The following LRP1B variants were observed in gnomAD, a reference collection of about 807,000 sequenced individuals.
LRP1B encodes the protein LDL receptor related protein 1B.
In LRP1B, 217 loss-of-function variants were observed where a neutral mutation model predicts 556.6. The observed-to-expected ratio is 0.39, with a 90% CI of 0.35 to 0.44. The LOEUF is 0.44. Ranked by LOEUF, LRP1B falls within the 20% of genes least tolerant of loss-of-function variation. LRP1B has a pLI of 1.00. For synonymous variants in LRP1B, 2,047 were observed against 1,865.8 expected, an observed-to-expected ratio of 1.10 and a Z score of -2.50; for missense variants, 5,053 against 5,620.8, an observed-to-expected ratio of 0.90 and a Z score of 3.23.
chr2:140,469,328 C>T (rs971590297), intron 60 of LRP1B, among the ~76,000 whole-genome samples: 2 of 152,134 alleles, frequency 1.3e-5, no homozygotes, highest in South Asian at 2.1e-4. Flanking sequence ...CAACAAGGAA[C>T]CATCTATGAA....
chr2:141,593,434 A>AACATTTCT lies in LRP1B; in HGVS notation c.206-112902_206-112901insAGAAATGT, dbSNP rs1404176639. On this transcript the variant is annotated intron_variant, in intron 2 of 90. Transcript: ENST00000389484. ...ATACTGAATACTTTTTTTCTTAAGA[A>AACATTTCT]GGGGCCGGGCGCGGTGGCTCACGCC... Among the ~76,000 whole-genome samples the AACATTTCT allele has an allele frequency of 4.1e-3, 109 of 26,610 alleles. 39 individuals are homozygous for AACATTTCT. Among genetic ancestry groups the AACATTTCT allele is most frequent in the Non-Finnish European group, 0.012 (70 of 5,894 alleles). 17.5% of individuals were successfully genotyped at this position (26,610 alleles called of 152,430 possible).
chr2:140,306,847 G>T (rs926197174), intron 83 of LRP1B, among the ~76,000 whole-genome samples: 1 of 151,952 alleles, frequency 6.6e-6, no homozygotes, highest in South Asian at 2.1e-4. Context: ...AGAGATTCTG[G>T]TATGTTGTGT....
At chr2:140,386,755 C>T (rs934222794) in intron 66 of LRP1B, among the ~76,000 whole-genome samples, 16 of 152,140 alleles carry the variant, frequency 1.1e-4, no homozygotes, top group Admixed American at 5.9e-4. Context: ...CCTGATTTAG[C>T]GCTTTTTACA....
At chr2:141,575,768 A>G (rs1371528267) in intron 2 of LRP1B, among the ~76,000 whole-genome samples, 2 of 152,004 alleles carry the variant, frequency 1.3e-5, no homozygotes, top group Non-Finnish European at 2.9e-5. Flanking sequence ...AAAAAAAACA[A>G]CTCCGTCAAA....
chr2:140,949,015 T>C (rs964927223), intron 20 of LRP1B, among the ~76,000 whole-genome samples: 1 of 152,176 alleles, frequency 6.6e-6, no homozygotes, highest in African/African-American at 2.4e-5. Context: ...ACACTGTCTA[T>C]CTTATAGGTT....
At chr2:141,745,239 CA>C (rs1693868715) in intron 2 of LRP1B, among the ~76,000 whole-genome samples, 1 of 152,148 alleles carries the variant, frequency 6.6e-6, no homozygotes, top group South Asian at 2.1e-4. Flanking sequence ...CAGCAAGTGG[CA>C]AAGTCAGCTA....
chr2:141,207,832 C>T (rs79729062), intron 6 of LRP1B, among the ~76,000 whole-genome samples: 13,469 of 152,132 alleles, frequency 0.089, 650 homozygotes, highest in South Asian at 0.13. Context: ...CCCGCCACCA[C>T]GCCTGGCTTA....
intron 1 of LRP1B, among the ~76,000 whole-genome samples, chr2:142,031,356 T>A (rs1703700738): frequency 8.2e-6 from 1 of 122,204 alleles, no homozygotes. Context: ...TTTATTATAC[T>A]CTAAGTTTTA....
At chr2:140,791,204 A>C (rs905207447) in intron 32 of LRP1B, among the ~76,000 whole-genome samples, 1 of 151,914 alleles carries the variant, frequency 6.6e-6, no homozygotes, top group Non-Finnish European at 1.5e-5. Flanking sequence ...CAGTGAGCCA[A>C]GATTGCACCG....
intron 14 of LRP1B, among the ~76,000 whole-genome samples, chr2:141,012,719 C>T (rs957751005): frequency 2.0e-5 from 3 of 151,882 alleles, no homozygotes; most frequent in African/African-American, 4.8e-5. Context: ...GCTTTAGGAT[C>T]GTTGTTTTAG....
intron 83 of LRP1B, among the ~76,000 whole-genome samples, chr2:140,308,183 C>G (rs759542488): frequency 2.6e-5 from 4 of 151,642 alleles, no homozygotes; most frequent in Non-Finnish European, 5.9e-5. Context: ...TACTGCAAAC[C>G]TGGTGAGTGT....
Position 140,989,534 on chromosome 2 carries a change from G to T in LRP1B, c.2768C>A (p.Thr923Lys), listed in dbSNP as rs749122914. The change falls in exon 17 of 91, where the codon ACA becomes AAA. Residue 923 changes from threonine (T) to lysine (K), a missense_variant and splice_region_variant. Around this residue, in one of 5 missense-constraint regions of LRP1B, gnomAD observed 3,619 missense variants for 3,931.9 expected, o/e 0.92. Coordinates refer to ENST00000389484, the MANE Select transcript of LRP1B (RefSeq NM_018557.3). ...SNEDESNQTC[T>K]ARTCQVDQFS... ...TGTATATCCAAGCAAACCTTTACCT[G>T]TGCAAGTTTGATTGGATTCATCTTC... 1.2e-6 allele frequency: 2 copies of T among 1,612,860 alleles called. No homozygotes were observed. Among genetic ancestry groups the T allele is most frequent in the Non-Finnish European group, 1.7e-6 (2 of 1,179,226 alleles).
chr2:140,744,453 T>C lies in LRP1B; in HGVS notation c.5758+24760A>G, dbSNP rs146911533. ...TTAAGATTGTATTCTTGCTTCCAAG[T>C]CATACATATGGTCTAAGAAGCAGAA... On this transcript the variant is annotated intron_variant, in intron 35 of 90. Coordinates refer to ENST00000389484, the MANE Select transcript of LRP1B (RefSeq NM_018557.3). 3.2e-4 allele frequency among the ~76,000 whole-genome samples: 49 copies of C among 152,306 alleles called. No homozygotes were observed. The East Asian group carries it at 8.5e-3, about 26-fold the overall frequency.
At chr2:140,389,713 A>G (rs1483827511) in intron 66 of LRP1B, among the ~76,000 whole-genome samples, 4 of 147,992 alleles carry the variant, frequency 2.7e-5, no homozygotes, top group Admixed American at 6.8e-5. Flanking sequence ...AAAGTTTTAT[A>G]TATATATAGT....
intron 41 of LRP1B, among the ~76,000 whole-genome samples, chr2:140,634,955 T>C (rs1157803478): frequency 6.6e-6 from 1 of 152,102 alleles, no homozygotes; most frequent in Non-Finnish European, 1.5e-5. Context: ...TATGAACTTT[T>C]GTCAATAAAA....
At chr2:141,529,106 C>T (rs994494194) in intron 2 of LRP1B, among the ~76,000 whole-genome samples, 2 of 152,198 alleles carry the variant, frequency 1.3e-5, no homozygotes, top group African/African-American at 4.8e-5. Flanking sequence ...GACCGTGAAG[C>T]CTGGCCTGTG....
At chr2:140,972,381 A>T (rs1390552605) in intron 18 of LRP1B, among the ~76,000 whole-genome samples, 3 of 152,168 alleles carry the variant, frequency 2.0e-5, no homozygotes, top group Non-Finnish European at 2.9e-5. Flanking sequence ...ATAAAAAATA[A>T]TTATCAACAG....
chr2:140,463,218 G>A (rs1309532214), intron 60 of LRP1B, among the ~76,000 whole-genome samples: 1 of 151,998 alleles, frequency 6.6e-6, no homozygotes, highest in Non-Finnish European at 1.5e-5. Context: ...GATGAAGAGT[G>A]ACAAAGAGTG....
At chr2:140,424,488 A>G (rs1024092220) in intron 66 of LRP1B, among the ~76,000 whole-genome samples, 1 of 152,210 alleles carries the variant, frequency 6.6e-6, no homozygotes. Context: ...GCTTATAGAA[A>G]ATTCACGAGC....
Sources: allele counts gnomAD v4.1 joint callset (sites outside exome capture counted in the v4.1 genomes callset), GRCh38; gene constraint gnomAD v4.1.1; regional missense constraint gnomAD v4.1.1; transcripts MANE v1.5; gene names NCBI Gene and HGNC (gene_info 2026-07-23, HGNC 2026-07-21).